The following RTKN2 variants were observed in gnomAD, a reference collection of about 807,000 sequenced individuals.
RTKN2 encodes rhotekin-2.
RTKN2 carries 69 observed loss-of-function variants against 71.5 expected under a neutral mutation model. The ratio of observed to expected loss-of-function variants is 0.96; its 90% CI spans 0.79 to 1.18. The LOEUF is 1.18. Among genes scored for constraint, RTKN2 ranks in the 50% most tolerant of loss-of-function variants. The pLI, the probability that RTKN2 is intolerant of heterozygous loss-of-function variation, is 0.00. For missense variants in RTKN2, 724 were observed against 719.7 expected (o/e 1.01, Z -0.07); for synonymous variants, 236 against 236.5 (o/e 1.00, Z 0.02).
intron 5 of RTKN2, among the ~76,000 whole-genome samples, chr10:62,236,672 G>C (rs1484039024): frequency 6.6e-6 from 1 of 151,918 alleles, no homozygotes; most frequent in Non-Finnish European, 1.5e-5. Context: ...AGATATTGAA[G>C]AAACTATAAG....
At chr10:62,248,646 T>C (rs1285959154) in intron 2 of RTKN2, among the ~76,000 whole-genome samples, 1 of 152,124 alleles carries the variant, frequency 6.6e-6, no homozygotes, top group African/African-American at 2.4e-5. Context: ...GAGATAAACA[T>C]ATAAAAGACA....
At chr10:62,228,782 A>G (rs1056426713) in intron 6 of RTKN2, among the ~76,000 whole-genome samples, 2 of 152,144 alleles carry the variant, frequency 1.3e-5, no homozygotes, top group African/African-American at 2.4e-5. Context: ...AGGAAACAGC[A>G]AACACTGAGG....
chr10:62,262,155 T>G (rs1158997397), intron 2 of RTKN2, among the ~76,000 whole-genome samples: 4 of 152,234 alleles, frequency 2.6e-5, no homozygotes, highest in African/African-American at 9.6e-5. Context: ...TCTCTGGGAC[T>G]TATGTTCACC....
chr10:62,224,628 T>G (rs1841981276), intron 6 of RTKN2, among the ~76,000 whole-genome samples: 1 of 152,048 alleles, frequency 6.6e-6, no homozygotes, highest in Non-Finnish European at 1.5e-5. Context: ...ATACCAGCAT[T>G]TGCAAGTTGG....
chr10:62,220,429 A>T (rs1369961718), intron 7 of RTKN2, among the ~76,000 whole-genome samples: 1 of 152,232 alleles, frequency 6.6e-6, no homozygotes, highest in African/African-American at 2.4e-5. Flanking sequence ...TCAGTAATAC[A>T]TCTGAAATCA....
At chr10:62,221,067 G>C (rs1360395802) in intron 7 of RTKN2, among the ~76,000 whole-genome samples, 1 of 150,738 alleles carries the variant, frequency 6.6e-6, no homozygotes, top group African/African-American at 2.4e-5. Context: ...CAGATGCAAG[G>C]CATAAGATAC....
At chr10:62,232,789 A>G (rs1186822995) in intron 6 of RTKN2, among the ~76,000 whole-genome samples, 1 of 152,106 alleles carries the variant, frequency 6.6e-6, no homozygotes, top group Non-Finnish European at 1.5e-5. Context: ...AGTAACCATA[A>G]TGGTAACAGA....
intron 1 of RTKN2, 130 bp from the exon 2 acceptor site, chr10:62,262,951 G>A (rs1318100246): frequency 7.5e-6 from 4 of 536,474 alleles, no homozygotes; most frequent in Admixed American, 3.4e-5. Flanking sequence ...TATATGTAGT[G>A]TAAAAATAGC....
intron 9 of RTKN2, among the ~76,000 whole-genome samples, chr10:62,211,155 G>T (rs1841651213): frequency 6.6e-6 from 1 of 152,084 alleles, no homozygotes; most frequent in Non-Finnish European, 1.5e-5. Flanking sequence ...TAAAGCTTTA[G>T]TTAACAAAAT....
Position 62,239,628 on chromosome 10 carries a change from G to A in RTKN2, c.488+20C>T. The A allele has an allele frequency of 4.7e-6, 5 of 1,061,388 alleles. No individual in the cohort carries two copies. The highest frequency in any genetic ancestry group is 6.8e-6 in the Non-Finnish European group (5 of 732,918). 65.7% of individuals were successfully genotyped at this position (1,061,388 alleles called of 1,614,324 possible). On this transcript the variant is annotated intron_variant, in intron 5 of 11. Coordinates refer to ENST00000373789, the MANE Select transcript of RTKN2 (RefSeq NM_145307.4). The stretch of plus-strand genomic sequence containing the variant: ...GAATTTTAAATTATTTTTATTCTCT[G>A]AAGATTAAAAAATACTTACAATATG...
intron 2 of RTKN2, among the ~76,000 whole-genome samples, chr10:62,249,553 T>C (rs1308974624): frequency 3.9e-5 from 6 of 152,110 alleles, no homozygotes; most frequent in Admixed American, 3.9e-4. Context: ...ACTCAATGAA[T>C]GTTTAGGGAC....
chr10:62,208,887 T>C (rs1300492452), intron 9 of RTKN2, among the ~76,000 whole-genome samples: 2 of 152,224 alleles, frequency 1.3e-5, no homozygotes, highest in Non-Finnish European at 2.9e-5. Flanking sequence ...CCTAGATATA[T>C]GATATGCTTC....
At chr10:62,221,151 T>C (rs1841897283) in intron 7 of RTKN2, among the ~76,000 whole-genome samples, 2 of 143,728 alleles carry the variant, frequency 1.4e-5, no homozygotes, top group African/African-American at 5.1e-5. Context: ...AAAAAAAGAA[T>C]TACAATATAT....
At chr10:62,209,245 GCAA>G (rs1841609855) in intron 9 of RTKN2, among the ~76,000 whole-genome samples, 1 of 151,972 alleles carries the variant, frequency 6.6e-6, no homozygotes, top group Admixed American at 6.6e-5. Context: ...TCCAGCCTGG[GCAA>G]CACGAGCGAA....
At chr10:62,260,364 TAAC>T (rs745725928) in intron 2 of RTKN2, among the ~76,000 whole-genome samples, 73 of 152,338 alleles carry the variant, frequency 4.8e-4, no homozygotes, top group East Asian at 2.5e-3. Context: ...TTTTGTGTAA[TAAC>T]AAAGCAATTA....
chr10:62,264,703 G>T (rs1288601938), intron 1 of RTKN2, among the ~76,000 whole-genome samples: 1 of 152,152 alleles, frequency 6.6e-6, no homozygotes, highest in African/African-American at 2.4e-5. Context: ...ACAGGCAGTT[G>T]AACTAGCACA....
At chr10:62,184,258 A>C (rs551884997) in exon 9 of RTKN2, 1 of 1,065,860 alleles carries the variant, frequency 9.4e-7, no homozygotes, top group African/African-American at 1.6e-5. Context: ...CTTACATTCT[A>C]CTAGAGAAAT....
chr10:62,230,783 G>C (rs1045745141), intron 6 of RTKN2, among the ~76,000 whole-genome samples: 1 of 152,080 alleles, frequency 6.6e-6, no homozygotes, highest in African/African-American at 2.4e-5. Flanking sequence ...AACTCACTGA[G>C]CCCCAGTGTA....
intron 7 of RTKN2, among the ~76,000 whole-genome samples, chr10:62,220,374 A>G (rs1021821959): frequency 2.6e-5 from 4 of 152,242 alleles, no homozygotes; most frequent in Admixed American, 6.5e-5. Context: ...TATCTTTCCT[A>G]AAACAGGCAG....
Sources: allele counts gnomAD v4.1 joint callset (sites outside exome capture counted in the v4.1 genomes callset), GRCh38; gene constraint gnomAD v4.1.1; transcripts MANE v1.5; gene names NCBI Gene and HGNC (gene_info 2026-07-23, HGNC 2026-07-21).